HIBCH: variants seen among roughly 807,000 people sequenced by gnomAD.
HIBCH encodes 3-hydroxyisobutyryl-CoA hydrolase, mitochondrial.
A neutral mutation model predicts 58.2 loss-of-function variants in HIBCH; 50 were observed. The observed-to-expected ratio is 0.86, with a 90% CI of 0.68 to 1.09. The LOEUF (loss-of-function observed/expected upper bound fraction) is 1.09. Among genes scored for constraint, HIBCH ranks in the 50% least tolerant of loss-of-function variants. HIBCH has a pLI of 0.00. For missense variants in HIBCH, 450 were observed against 449.7 expected (o/e 1.00, Z -0.01); for synonymous variants, 151 against 146.9 (o/e 1.03, Z -0.20).
At chr2:190,282,434 C>G (rs568528531) in intron 6 of HIBCH, among the ~76,000 whole-genome samples, 1 of 152,260 alleles carries the variant, frequency 6.6e-6, no homozygotes, top group East Asian at 1.9e-4. Context: ...ATGTAAAAAG[C>G]CCAAAACATA....
intron 11 of HIBCH, among the ~76,000 whole-genome samples, chr2:190,234,892 G>A (rs1423746198): frequency 6.6e-6 from 1 of 151,898 alleles, no homozygotes; most frequent in Non-Finnish European, 1.5e-5. Flanking sequence ...TAATGGTTAT[G>A]TATTCTGGAG....
At chr2:190,255,804 C>G (rs938030516) in intron 7 of HIBCH, among the ~76,000 whole-genome samples, 14 of 151,908 alleles carry the variant, frequency 9.2e-5, no homozygotes, top group African/African-American at 3.4e-4. Flanking sequence ...CAGGGTGTCT[C>G]TTTTAAGTAC....
rs147936734 is a variant in HIBCH at position 190,192,452 on chromosome 2, CTGTGTGTGTGTGTGTGTGTGTGTG to C, written c.*18-2479_*18-2456del. Among the ~76,000 whole-genome samples the C allele has an allele frequency of 1.5e-4, 22 of 145,358 alleles. No homozygotes were observed. The South Asian group carries it at 2.0e-3, about 13-fold the overall frequency. On this transcript the variant is annotated intron_variant, in intron 1 of 1. Transcript: ENST00000399855. ...TGTGTTTCCATGTATAATTCAGAAT[CTGTGTGTGTGTGTGTGTGTGTGTG>C]TGTGTGTGTGTGTGTATCTATATAT...
At chr2:190,282,688 G>C (rs1687733223) in intron 6 of HIBCH, among the ~76,000 whole-genome samples, 1 of 151,732 alleles carries the variant, frequency 6.6e-6, no homozygotes, top group East Asian at 1.9e-4. Context: ...TCCAAACCAA[G>C]ATAAATACAA....
At chr2:190,190,285 T>C (rs1689651892) in intron 1 of HIBCH, among the ~76,000 whole-genome samples, 1 of 152,230 alleles carries the variant, frequency 6.6e-6, no homozygotes, top group Admixed American at 6.5e-5. Context: ...AGGGTCACTA[T>C]TGTCCAATCT....
At chr2:190,232,172 G>T (rs1372217570) in intron 11 of HIBCH, among the ~76,000 whole-genome samples, 2 of 152,058 alleles carry the variant, frequency 1.3e-5, no homozygotes, top group African/African-American at 2.4e-5. Context: ...TCCAGCCCGG[G>T]CAACAGAGCA....
At chr2:190,253,487 C>T (rs1240065784) in intron 7 of HIBCH, among the ~76,000 whole-genome samples, 1 of 152,142 alleles carries the variant, frequency 6.6e-6, no homozygotes. Context: ...AACCTCCCCG[C>T]GCCAGTCCCA....
At chr2:190,232,614 C>T (rs1189242115) in intron 11 of HIBCH, among the ~76,000 whole-genome samples, 1 of 152,184 alleles carries the variant, frequency 6.6e-6, no homozygotes, top group Admixed American at 6.5e-5. Context: ...TACAACTATA[C>T]GTTGGTGCAG....
chr2:190,190,880 A>C (rs1689680303), intron 1 of HIBCH, among the ~76,000 whole-genome samples: 2 of 152,294 alleles, frequency 1.3e-5, no homozygotes, highest in South Asian at 4.1e-4. Context: ...ATCGGGATAA[A>C]GAATAGTTAC....
In HIBCH at chr2:190,206,050, A is replaced by G. The variant is rs1022399597; in HGVS notation, c.1046-818T>C. Among the ~76,000 whole-genome samples the G allele has an allele frequency of 6.6e-6, 1 of 152,230 alleles. No individual in the cohort carries two copies. Among genetic ancestry groups the G allele is most frequent in the Non-Finnish European group, 1.5e-5 (1 of 68,032 alleles). ...AATTTCAACCATGCTTAAAATGCAC[A>G]TAATTCTTGTGAAGAATGGAAATAT... On this transcript the variant is annotated intron_variant, in intron 13 of 13. Coordinates refer to ENST00000359678, the MANE Select transcript of HIBCH (RefSeq NM_014362.4). The surrounding 1 kb of genome is among the most constrained non-coding windows in gnomAD (Gnocchi z 5.1).
rs370172555 is a variant in HIBCH at position 190,259,319 on chromosome 2, ATGTGTGTGTGTGTGTGTG to A, written c.517+1819_517+1836del. Among the ~76,000 whole-genome samples the A allele has an allele frequency of 4.6e-4, 56 of 122,208 alleles. 1 individual carries two copies. The highest frequency in any genetic ancestry group is 1.5e-3 in the South Asian group (5 of 3,352). The allele number at this position is 122,208 out of a possible 152,430, so 80.2% of individuals were successfully genotyped here. A position where few individuals can be genotyped will look rare whatever the true frequency, so the allele number is the denominator to read the frequency against. On this transcript the variant is annotated intron_variant, in intron 7 of 13. Transcript: ENST00000359678. ...AAGTTTTGTAGTTTTCAGTATACAGATGTGTGTGTGTGTGTGTGTGTGTGTGTGTGTGTGTGTGTGTGT... is the reference window on the plus strand; with the variant it reads ...AAGTTTTGTAGTTTTCAGTATACAGATGTGTGTGTGTGTGTGTGTGTGTGT...
intron 7 of HIBCH, among the ~76,000 whole-genome samples, chr2:190,255,742 C>A (rs914070493): frequency 6.6e-6 from 1 of 152,080 alleles, no homozygotes; most frequent in African/African-American, 2.4e-5. Context: ...AGAATTCCCA[C>A]AACAGAGTAC....
chr2:190,252,482 A>C lies in HIBCH; in HGVS notation c.518-175T>G, dbSNP rs544817629. 8.5e-5 allele frequency among the ~76,000 whole-genome samples: 13 copies of C among 152,350 alleles called. No individual in the cohort carries two copies. The East Asian group carries it at 2.3e-3, about 27-fold the overall frequency. On this transcript the variant is annotated intron_variant, in intron 7 of 13. Coordinates refer to ENST00000359678, the MANE Select transcript of HIBCH (RefSeq NM_014362.4). Reference sequence around the variant, plus strand: ...CAATATCACAAAAGACTTGCTATGAACTGTGCTAACTTGGGTATTTTTCAA... The same window carrying C: ...CAATATCACAAAAGACTTGCTATGACCTGTGCTAACTTGGGTATTTTTCAA...
At position 190,254,159 on chromosome 2, in the gene HIBCH, T is replaced by A. The variant is rs886586272; in HGVS notation, c.518-1852A>T. ...CATTGTGTCCTTCCAAAAAGTCCTATGTTGAAGCCCTAACCCTCGATGTAA... is the reference window on the plus strand; with the variant it reads ...CATTGTGTCCTTCCAAAAAGTCCTAAGTTGAAGCCCTAACCCTCGATGTAA... On this transcript the variant is annotated intron_variant, in intron 7 of 13. Transcript: ENST00000359678. The surrounding 1 kb of genome is among the most constrained non-coding windows in gnomAD (Gnocchi z 5.0). 3.3e-5 allele frequency among the ~76,000 whole-genome samples: 5 copies of A among 152,192 alleles called. No individual in the cohort carries two copies. Among genetic ancestry groups the A allele is most frequent in the Non-Finnish European group, 7.3e-5 (5 of 68,030 alleles).
In HIBCH at chr2:190,315,049, G is replaced by A. The variant is rs540576071; in HGVS notation, c.36-4253C>T. ...TGCAGGCTCTGCCTTCCGGGTTCAC[G>A]CCATTCTCCTGCCTCAGTCTCCTGA... is the stretch of plus-strand genomic sequence containing the variant. On this transcript the variant is annotated intron_variant, in intron 1 of 13. Transcript: ENST00000359678. The surrounding 1 kb of genome is among the most constrained non-coding windows in gnomAD (Gnocchi z 5.4). Among the ~76,000 whole-genome samples the A allele has an allele frequency of 3.9e-5, 6 of 151,908 alleles. No individual in the cohort carries two copies. The highest frequency in any genetic ancestry group is 4.2e-4 in the South Asian group (2 of 4,800).
At chr2:190,201,126 T>C (rs1487573161), downstream of HIBCH, 1 of 167,042 alleles carries the variant, frequency 6.0e-6, no homozygotes, top group Non-Finnish European at 1.5e-5. Flanking sequence ...AGGAGAGTAC[T>C]CGTTTTCTGG....
chr2:190,296,134 T>C (rs796909271), intron 3 of HIBCH, among the ~76,000 whole-genome samples: 13 of 152,300 alleles, frequency 8.5e-5, no homozygotes, highest in African/African-American at 3.1e-4. Context: ...TAAAAGCAGC[T>C]GTCTGGCCGG....
chr2:190,291,028 T>C (rs954785237), intron 4 of HIBCH, among the ~76,000 whole-genome samples: 1 of 152,118 alleles, frequency 6.6e-6, no homozygotes, highest in African/African-American at 2.4e-5. Flanking sequence ...AAAATAATAA[T>C]ATATTGCAAC....
Position 190,274,013 on chromosome 2 carries a change from G to A in HIBCH, c.439-12779C>T, listed in dbSNP as rs148073076. Among the ~76,000 whole-genome samples the A allele has an allele frequency of 4.3e-3, 650 of 152,184 alleles. 2 individuals carry two copies. Among genetic ancestry groups the A allele is most frequent in the African/African-American group, 0.015 (635 of 41,522 alleles). On this transcript the variant is annotated intron_variant, in intron 6 of 13. Coordinates refer to ENST00000359678, the MANE Select transcript of HIBCH (RefSeq NM_014362.4). ...CACAGAGTCTCGCTATATTGCCTAG[G>A]CTGGACTTGAACTTCTGGTCTCAAG...
Sources: allele counts gnomAD v4.1 joint callset (sites outside exome capture counted in the v4.1 genomes callset), GRCh38; gene constraint gnomAD v4.1.1; non-coding constraint Gnocchi (gnomAD v3.1); transcripts MANE v1.5; gene names NCBI Gene and HGNC (gene_info 2026-07-23, HGNC 2026-07-21).